Variants in NFXL1 observed in about 807,000 individuals in gnomAD.
NFXL1 encodes the protein nuclear transcription factor, X-box binding like 1, also known as NF-X1-type zinc finger protein NFXL1.
In NFXL1, 66 loss-of-function variants were observed where a neutral mutation model predicts 123.3. The observed-to-expected ratio is 0.54, with a 90% CI of 0.44 to 0.66. The LOEUF (loss-of-function observed/expected upper bound fraction) is 0.66. Among genes scored for constraint, NFXL1 ranks in the 30% least tolerant of loss-of-function variants. NFXL1 has a pLI of 0.00. For missense variants in NFXL1, 944 were observed against 1,125.6 expected (o/e 0.84, Z 2.31); for synonymous variants, 346 against 360.8 (o/e 0.96, Z 0.46).
At chr4:47,901,184 A>G (rs538257349) in intron 5 of NFXL1, among the ~76,000 whole-genome samples, 7 of 152,346 alleles carry the variant, frequency 4.6e-5, no homozygotes, top group East Asian at 1.9e-4. Context: ...GTAGAAACCT[A>G]TATTTTAAAT....
intron 17 of NFXL1, 49 bp from the exon 18 acceptor site, chr4:47,875,342 C>A (rs1257110591): frequency 2.9e-6 from 4 of 1,386,046 alleles, no homozygotes; most frequent in South Asian, 2.7e-5. Flanking sequence ...GTAAGCCTAA[C>A]ATTTCCATAT....
intron 17 of NFXL1, chr4:47,877,155 G>C (rs1158844918): frequency 2.1e-6 from 1 of 485,550 alleles, no homozygotes; most frequent in Non-Finnish European, 3.9e-6. Context: ...TCCTGTTGCA[G>C]AATCATGGAC....
At chr4:47,913,559 A>T (rs1176968903) in intron 2 of NFXL1, among the ~76,000 whole-genome samples, 1 of 152,238 alleles carries the variant, frequency 6.6e-6, no homozygotes, top group Non-Finnish European at 1.5e-5. Context: ...GTTGCCATGC[A>T]CAAAGATAAC....
chr4:47,884,226 G>T, intron 15 of NFXL1, 120 bp downstream of exon 15: 1 of 586,818 alleles, frequency 1.7e-6, no homozygotes. Context: ...CTAGTTGATA[G>T]GCTAGGCCTG....
At chr4:47,859,871 C>A (rs28669669) in intron 19 of NFXL1, among the ~76,000 whole-genome samples, 22,082 of 48,792 alleles carry the variant, frequency 0.45, 3,871 homozygotes, top group East Asian at 0.54. Flanking sequence ...AAAAAAAAAA[C>A]AAACAAACAA....
chr4:47,865,861 C>A (rs537627685), intron 18 of NFXL1, among the ~76,000 whole-genome samples: 2 of 151,924 alleles, frequency 1.3e-5, no homozygotes, highest in East Asian at 3.9e-4. Flanking sequence ...CAAAAAAACA[C>A]CAAAATTAGC....
At chr4:47,868,116 C>A (rs1037129195) in intron 18 of NFXL1, among the ~76,000 whole-genome samples, 2 of 152,116 alleles carry the variant, frequency 1.3e-5, no homozygotes, top group African/African-American at 4.8e-5. Context: ...GAGATAGAGA[C>A]CATCCTGGCT....
chr4:47,896,382 T>A (rs1180874065), intron 10 of NFXL1, 141 bp downstream of exon 10: 1 of 578,004 alleles, frequency 1.7e-6, no homozygotes, highest in Non-Finnish European at 3.0e-6. Context: ...CTTCTTATCC[T>A]AATATTAGGT....
intron 6 of NFXL1, 32 bp downstream of exon 6, chr4:47,899,338 A>G (rs1737264191): frequency 6.4e-7 from 1 of 1,557,256 alleles, no homozygotes; most frequent in Non-Finnish European, 8.8e-7. Context: ...ATAATCACCC[A>G]CAAACAATTT....
intron 22 of NFXL1, among the ~76,000 whole-genome samples, chr4:47,850,015 A>T: frequency 6.6e-6 from 1 of 151,834 alleles, no homozygotes; most frequent in African/African-American, 2.4e-5. Context: ...GAATTCACAG[A>T]TGCAGAACCT....
chr4:47,885,893 G>A lies in NFXL1; in HGVS notation c.1650C>T (p.Cys550=). The A allele has an allele frequency of 1.2e-6, 2 of 1,613,842 alleles. No individual in the cohort carries two copies. The highest frequency in any genetic ancestry group is 1.7e-6 in the Non-Finnish European group (2 of 1,179,848). ...TTCAAACTCACCTGCATTGCTCCTTGCACTTGGGTGGTCTTGTGGTACGTT... is the reference window on the plus strand; with the variant it reads ...TTCAAACTCACCTGCATTGCTCCTTACACTTGGGTGGTCTTGTGGTACGTT... ...GRERTTRPPK[C]KEQCSRPPTC... The change falls in exon 13 of 23, where the codon TGC becomes TGT. Residue 550 remains cysteine (C), a synonymous_variant. Transcript: ENST00000507489.
chr4:47,873,453 T>A (rs183458251), intron 18 of NFXL1, among the ~76,000 whole-genome samples: 111 of 152,350 alleles, frequency 7.3e-4, no homozygotes, highest in African/African-American at 2.6e-3. Context: ...GCAGAATGGA[T>A]GTTGTGTTAG....
At chr4:47,900,528 G>T (rs1289763543) in intron 5 of NFXL1, among the ~76,000 whole-genome samples, 1 of 152,088 alleles carries the variant, frequency 6.6e-6, no homozygotes, top group Non-Finnish European at 1.5e-5. Context: ...GATATAATTC[G>T]AATGTGCCTA....
Position 47,879,083 on chromosome 4 carries a change from G to A in NFXL1, c.1938+13C>T. ...ATTATAAGCTTTACTTAAAAATTGT[G>A]CCTGTAACTTACCTCATGTTTCCCA... On this transcript the variant is annotated intron_variant, in intron 16 of 22. Coordinates refer to ENST00000507489, the MANE Select transcript of NFXL1 (RefSeq NM_001278624.2). The A allele has an allele frequency of 7.2e-7, 1 of 1,380,624 alleles. No individual in the cohort carries two copies. The highest frequency in any genetic ancestry group is 9.8e-7 in the Non-Finnish European group (1 of 1,020,192). 85.5% of individuals were successfully genotyped at this position (1,380,624 alleles called of 1,614,324 possible).
chr4:47,867,215 A>G (rs949100822), intron 18 of NFXL1, among the ~76,000 whole-genome samples: 1 of 151,154 alleles, frequency 6.6e-6, no homozygotes, highest in Non-Finnish European at 1.5e-5. Flanking sequence ...ATGGAGAAGA[A>G]ATGAACAAAG....
chr4:47,849,824 G>T (rs1334043193), intron 22 of NFXL1, among the ~76,000 whole-genome samples: 1 of 152,046 alleles, frequency 6.6e-6, no homozygotes, highest in African/African-American at 2.4e-5. Flanking sequence ...AATAGTGGAG[G>T]ATTTGCAAAT....
intron 5 of NFXL1, among the ~76,000 whole-genome samples, chr4:47,900,599 G>A (rs1186602426): frequency 6.6e-6 from 1 of 152,180 alleles, no homozygotes; most frequent in Non-Finnish European, 1.5e-5. Context: ...AAATACATAA[G>A]TGTTGGCAGT....
At chr4:47,860,001 G>GA (rs1238289410) in intron 19 of NFXL1, among the ~76,000 whole-genome samples, 2 of 151,966 alleles carry the variant, frequency 1.3e-5, no homozygotes, top group African/African-American at 4.8e-5. Flanking sequence ...GGATTGGGGG[G>GA]ATGTTAGTCA....
At chr4:47,868,076 G>A (rs1350282791) in intron 18 of NFXL1, among the ~76,000 whole-genome samples, 1 of 152,224 alleles carries the variant, frequency 6.6e-6, no homozygotes, top group East Asian at 1.9e-4. Flanking sequence ...AGCACTTTGG[G>A]AGGCCGAGGC....
Sources: gnomAD v4.1 joint callset for allele counts (sites outside exome capture counted in the v4.1 genomes callset) on GRCh38, gnomAD v4.1.1 for gene constraint, MANE v1.5 for transcripts, NCBI Gene and HGNC (gene_info 2026-07-23, HGNC 2026-07-21) for gene names.